Variants in CUX2 observed in about 807,000 individuals in gnomAD.
The protein encoded by CUX2 is cut like homeobox 2.
CUX2 carries 40 observed loss-of-function variants against 144.8 expected under a neutral mutation model. The ratio of observed to expected loss-of-function variants is 0.28; its 90% CI spans 0.21 to 0.36. CUX2 has a LOEUF of 0.36. Among genes scored for constraint, CUX2 ranks in the 10% least tolerant of loss-of-function variants. The probability of loss-of-function intolerance (pLI) is 1.00; values close to 1 mark genes in which losing one functional copy is unlikely to be tolerated. For synonymous variants in CUX2, 827 were observed against 875.6 expected (o/e 0.94, Z 0.98); for missense variants, 1,615 against 1,994.0 (o/e 0.81, Z 3.62).
At chr12:111,313,575 G>T (rs1170843677) in intron 16 of CUX2, among the ~76,000 whole-genome samples, 2 of 151,606 alleles carry the variant, frequency 1.3e-5, no homozygotes, top group Admixed American at 6.6e-5. Flanking sequence ...ACAGGAGGCA[G>T]AGCTTACAGT....
intron 1 of CUX2, among the ~76,000 whole-genome samples, chr12:111,097,369 T>C (rs1378159486): frequency 6.6e-6 from 1 of 152,226 alleles, no homozygotes; most frequent in Non-Finnish European, 1.5e-5. Context: ...AATGACACAC[T>C]GCTCACCTGC....
intron 1 of CUX2, among the ~76,000 whole-genome samples, chr12:111,202,426 G>C (rs1477950075): frequency 1.3e-5 from 2 of 152,192 alleles, no homozygotes; most frequent in African/African-American, 2.4e-5. Context: ...GCGTTTGATT[G>C]GCATCCTCTC....
intron 1 of CUX2, among the ~76,000 whole-genome samples, chr12:111,173,169 G>T (rs1013141375): frequency 6.6e-6 from 1 of 152,252 alleles, no homozygotes; most frequent in African/African-American, 2.4e-5. Context: ...TAGACCCTGA[G>T]CTGGGCATCT....
chr12:111,170,533 C>A (rs1175052507), intron 1 of CUX2, among the ~76,000 whole-genome samples: 1 of 149,418 alleles, frequency 6.7e-6, no homozygotes, highest in Non-Finnish European at 1.5e-5. Context: ...TGGATGCACA[C>A]CCCCAGCTCT....
At chr12:111,173,016 G>A (rs756703753) in intron 1 of CUX2, among the ~76,000 whole-genome samples, 12 of 152,330 alleles carry the variant, frequency 7.9e-5, no homozygotes, top group Non-Finnish European at 1.5e-4. Context: ...GGGTGAGTGC[G>A]GGACTGGAAT....
At chr12:111,108,482 G>A (rs927344942) in intron 1 of CUX2, among the ~76,000 whole-genome samples, 1 of 152,080 alleles carries the variant, frequency 6.6e-6, no homozygotes, top group East Asian at 1.9e-4. Flanking sequence ...TTCTGTTTCC[G>A]TCATTACTTC....
intron 1 of CUX2, among the ~76,000 whole-genome samples, chr12:111,139,342 G>A (rs1876142707): frequency 6.6e-6 from 1 of 152,144 alleles, no homozygotes. Flanking sequence ...GGGAGAGAAA[G>A]GAGAGGGGTA....
chr12:111,089,705 A>G (rs985588716), intron 1 of CUX2, among the ~76,000 whole-genome samples: 9 of 152,238 alleles, frequency 5.9e-5, no homozygotes, highest in South Asian at 2.1e-4. Flanking sequence ...GTAGAGGGAA[A>G]GGCATTCCAG....
At chr12:111,334,112 G>A (rs968194658) in intron 18 of CUX2, among the ~76,000 whole-genome samples, 5 of 149,470 alleles carry the variant, frequency 3.3e-5, no homozygotes, top group Admixed American at 6.7e-5. Flanking sequence ...GCTTGAACCC[G>A]GGAGGCGGAG....
In CUX2 at chr12:111,057,192, G is replaced by A. The variant is rs1217184332; in HGVS notation, c.63+22952G>A. ...GACAGGAAATGGCCTGAGCTGCAGT[G>A]GGTGTGATAGGAAGTGGCCCAGTAG... On this transcript the variant is annotated intron_variant, in intron 1 of 21. Coordinates refer to ENST00000261726, the MANE Select transcript of CUX2 (RefSeq NM_015267.4). This position sits in a 1 kb window ranked among gnomAD's most constrained non-coding sequence, Gnocchi z 5.1. Among the ~76,000 whole-genome samples, 2 of 152,094 alleles carry A rather than the reference G, an allele frequency of 1.3e-5. No homozygotes were observed. The highest frequency in any genetic ancestry group is 2.4e-5 in the African/African-American group (1 of 41,412).
intron 1 of CUX2, among the ~76,000 whole-genome samples, chr12:111,097,765 G>A (rs76827929): frequency 0.012 from 1,830 of 152,302 alleles, 38 homozygotes; most frequent in African/African-American, 0.041. Flanking sequence ...GAGCAGGCAG[G>A]GGATCGGGGT....
chr12:111,332,831 GCATGTATCCCAC>G (rs1275580884), intron 18 of CUX2, among the ~76,000 whole-genome samples: 1 of 152,116 alleles, frequency 6.6e-6, no homozygotes, highest in Admixed American at 6.6e-5. Flanking sequence ...TAAAATACTG[GCATGTATCCCAC>G]CATCTATATT....
In CUX2 at chr12:111,201,383, T is replaced by A. The variant is rs545584000; in HGVS notation, c.64-12817T>A. On this transcript the variant is annotated intron_variant, in intron 1 of 21. Transcript: ENST00000261726. Reference sequence around the variant, plus strand: ...TCGCTTCTTGCCTTGGTCCCACAACTTCCCAACCTAATCCCCACGAGGCTG... The same window carrying A: ...TCGCTTCTTGCCTTGGTCCCACAACATCCCAACCTAATCCCCACGAGGCTG... Among the ~76,000 whole-genome samples the A allele has an allele frequency of 5.9e-5, 9 of 152,054 alleles. No homozygotes were observed. In the South Asian group the frequency reaches 6.2e-4, roughly 11 times the overall value.
chr12:111,295,328 C>T lies in CUX2; in HGVS notation c.561-5C>T, dbSNP rs528289393. Reference sequence around the variant, plus strand: ...CCAGCACAAGCAGGCCTCGTCTCTCCGCAGGGGCCTTCAAGAAGTACAGAT... The same window carrying T: ...CCAGCACAAGCAGGCCTCGTCTCTCTGCAGGGGCCTTCAAGAAGTACAGAT... On this transcript the variant is annotated splice_region_variant and splice_polypyrimidine_tract_variant and intron_variant, in intron 6 of 21. Coordinates refer to ENST00000261726, the MANE Select transcript of CUX2 (RefSeq NM_015267.4). This position sits in a 1 kb window ranked among gnomAD's most constrained non-coding sequence, Gnocchi z 5.0. 3.5e-5 allele frequency: 57 copies of T among 1,612,274 alleles called. No individual in the cohort carries two copies. The highest frequency in any genetic ancestry group is 1.7e-4 in the Middle Eastern group (1 of 6,056).
At chr12:111,253,498 G>T (rs1300230135) in intron 3 of CUX2, among the ~76,000 whole-genome samples, 1 of 152,108 alleles carries the variant, frequency 6.6e-6, no homozygotes, top group African/African-American at 2.4e-5. Context: ...CACATGCCCT[G>T]CCCAGGACTC....
intron 16 of CUX2, among the ~76,000 whole-genome samples, chr12:111,316,264 G>A (rs1021778056): frequency 1.4e-4 from 21 of 148,672 alleles, no homozygotes; most frequent in South Asian, 6.4e-4. Flanking sequence ...TCAGCCTCCC[G>A]AGTAGCTGGG....
At chr12:111,173,135 T>G (rs771615046) in intron 1 of CUX2, among the ~76,000 whole-genome samples, 1 of 152,184 alleles carries the variant, frequency 6.6e-6, no homozygotes, top group Non-Finnish European at 1.5e-5. Flanking sequence ...AGGTTTGTTG[T>G]TCTTCTTGAG....
intron 1 of CUX2, among the ~76,000 whole-genome samples, chr12:111,150,009 G>A (rs1454383671): frequency 6.6e-6 from 1 of 152,234 alleles, no homozygotes; most frequent in Non-Finnish European, 1.5e-5. Context: ...ACTTTGTGGG[G>A]TGAATAAAGC....
chr12:111,074,405 C>A (rs1342680501), intron 1 of CUX2, among the ~76,000 whole-genome samples: 1 of 152,066 alleles, frequency 6.6e-6, no homozygotes, highest in Non-Finnish European at 1.5e-5. Flanking sequence ...GTGAGGGCCA[C>A]CCGCCTATTT....
Sources: allele counts gnomAD v4.1 joint callset (sites outside exome capture counted in the v4.1 genomes callset), GRCh38; gene constraint gnomAD v4.1.1; non-coding constraint Gnocchi (gnomAD v3.1); transcripts MANE v1.5; gene names NCBI Gene and HGNC (gene_info 2026-07-23, HGNC 2026-07-21).